The following TSC22D4 variants were observed in gnomAD, a reference collection of about 807,000 sequenced individuals.
The protein encoded by TSC22D4 is TSC22 domain family protein 4.
Under a neutral mutation model 24.9 loss-of-function variants are expected in TSC22D4, and 5 were observed. That is an observed-to-expected ratio of 0.20 (90% CI 0.10 to 0.42). The LOEUF (loss-of-function observed/expected upper bound fraction) is 0.42, where lower values mean the gene tolerates loss of function less well. Among genes scored for constraint, TSC22D4 ranks in the 10% least tolerant of loss-of-function variants. TSC22D4 has a pLI of 1.00. For missense variants in TSC22D4, 469 were observed against 547.9 expected, an observed-to-expected ratio of 0.86 and a Z score of 1.44; for synonymous variants, 245 against 243.2, an observed-to-expected ratio of 1.01 and a Z score of -0.07.
intron 2 of TSC22D4, among the ~76,000 whole-genome samples, chr7:100,476,907 A>C (rs112450770): frequency 5.9e-5 from 9 of 152,234 alleles, no homozygotes; most frequent in African/African-American, 1.7e-4. Flanking sequence ...CTCCTCCCCT[A>C]GGGACCCAGC....
intron 3 of TSC22D4, among the ~76,000 whole-genome samples, chr7:100,472,091 C>A (rs1799403003): frequency 6.6e-6 from 1 of 152,056 alleles, no homozygotes; most frequent in Non-Finnish European, 1.5e-5. Flanking sequence ...CGCCCATCCC[C>A]AGATTCAGGG....
intron 3 of TSC22D4, among the ~76,000 whole-genome samples, chr7:100,473,229 C>A (rs563594158): frequency 6.6e-6 from 1 of 152,248 alleles, no homozygotes; most frequent in East Asian, 1.9e-4. Flanking sequence ...GCCCCTGCCC[C>A]TTTGCCGTTC....
chr7:100,467,639 G>T, intron 3 of TSC22D4, 39 bp from the exon 4 acceptor site: 1 of 1,601,508 alleles, frequency 6.2e-7, no homozygotes, highest in Non-Finnish European at 8.6e-7. Flanking sequence ...GAGAGGAGAA[G>T]CCTTCCCAGG....
intron 3 of TSC22D4, among the ~76,000 whole-genome samples, chr7:100,469,270 G>A (rs894182331): frequency 6.6e-6 from 1 of 151,856 alleles, no homozygotes; most frequent in African/African-American, 2.4e-5. Context: ...TGGGACCTGG[G>A]TCTGGGGTCT....
Position 100,467,172 on chromosome 7 carries a change from G to A in TSC22D4, c.979-4C>T. The A allele has an allele frequency of 1.2e-6, 2 of 1,614,068 alleles. No individual in the cohort carries two copies. Among genetic ancestry groups the A allele is most frequent in the Non-Finnish European group, 1.7e-6 (2 of 1,180,026 alleles). ...TGAGGTGGGACTTCACCAAGTCCTGGGGGCCCCGGGACAGGCACAGCGTCA... is the reference window on the plus strand; with the variant it reads ...TGAGGTGGGACTTCACCAAGTCCTGAGGGCCCCGGGACAGGCACAGCGTCA... On this transcript the variant is annotated splice_polypyrimidine_tract_variant and splice_region_variant and intron_variant, in intron 4 of 4. Coordinates refer to ENST00000300181, the MANE Select transcript of TSC22D4 (RefSeq NM_030935.5).
At position 100,466,766 on chromosome 7, in the gene TSC22D4, C is replaced by T. The variant is rs993882196; in HGVS notation, c.*193G>A. The T allele has an allele frequency of 1.5e-6, 1 of 649,078 alleles. No individual in the cohort carries two copies. Among genetic ancestry groups the T allele is most frequent in the Admixed American group, 3.1e-5 (1 of 32,368 alleles). 40.2% of individuals were successfully genotyped at this position (649,078 alleles called of 1,614,324 possible). On this transcript the variant is annotated 3_prime_UTR_variant, in exon 5 of 5. Transcript: ENST00000300181. ...GAGGGGGCTCCCTCTGACGCCCCGT[C>T]CTGAAGCCCTCCCTCCTCCATCAAG...
Position 100,467,534 on chromosome 7 carries a change from C to G in TSC22D4, c.978+18G>C. 1 of 1,613,818 alleles carries G rather than the reference C, an allele frequency of 6.2e-7. No individual in the cohort carries two copies. The highest frequency in any genetic ancestry group is 1.1e-5 in the South Asian group (1 of 91,062). ...TAAGGGGGCCAGGACCTCCTGGGAC[C>G]AAGATGGCTTCTCTTACCATGGCTT... On this transcript the variant is annotated intron_variant, in intron 4 of 4. Transcript: ENST00000300181.
In TSC22D4 at chr7:100,477,191, AG is replaced by A; in HGVS notation, c.762+85del. ...TCTTATAAAGTGATGGAGAAGGAGGAGGAGAGGGGGGGGAGGAGGAGGAAGG... is the reference window on the plus strand; with the variant it reads ...TCTTATAAAGTGATGGAGAAGGAGGAGAGAGGGGGGGGAGGAGGAGGAAGG... On this transcript the variant is annotated intron_variant, in intron 2 of 4. Coordinates refer to ENST00000300181, the MANE Select transcript of TSC22D4 (RefSeq NM_030935.5). The surrounding 1 kb of genome is among the most constrained non-coding windows in gnomAD (Gnocchi z 7.8). 3 of 933,208 alleles carry A rather than the reference AG, an allele frequency of 3.2e-6. No individual in the cohort carries two copies. Among genetic ancestry groups the A allele is most frequent in the African/African-American group, 2.4e-5 (1 of 42,174 alleles). 57.8% of individuals were successfully genotyped at this position (933,208 alleles called of 1,614,324 possible).
Position 100,478,043 on chromosome 7 carries a change from C to G in TSC22D4, c.-5G>C. 1 of 1,590,266 alleles carries G rather than the reference C, an allele frequency of 6.3e-7. No homozygotes were observed. Among genetic ancestry groups the G allele is most frequent in the African/African-American group, 1.3e-5 (1 of 74,756 alleles). On this transcript the variant is annotated 5_prime_UTR_variant, in exon 2 of 5. Transcript: ENST00000300181. Reference sequence around the variant, plus strand: ...CTTCTTCTTGCCCCCGCTCATGGTCCCTGGGGCTCAGGGCTGGGCCAAGGT... The same window carrying G: ...CTTCTTCTTGCCCCCGCTCATGGTCGCTGGGGCTCAGGGCTGGGCCAAGGT...
At chr7:100,476,451 C>T (rs1385388194) in intron 2 of TSC22D4, among the ~76,000 whole-genome samples, 1 of 152,192 alleles carries the variant, frequency 6.6e-6, no homozygotes, top group Non-Finnish European at 1.5e-5. Context: ...TATTCTCCCA[C>T]AGGACAGAAG....
chr7:100,469,575 C>T (rs1799356443), intron 3 of TSC22D4, among the ~76,000 whole-genome samples: 1 of 152,126 alleles, frequency 6.6e-6, no homozygotes. Flanking sequence ...CTCCAAGGCT[C>T]CCTCTCCCAC....
intron 3 of TSC22D4, among the ~76,000 whole-genome samples, chr7:100,470,779 A>C (rs1385414868): frequency 6.6e-6 from 1 of 152,212 alleles, no homozygotes; most frequent in Admixed American, 6.5e-5. Context: ...CCACAAGCCC[A>C]AAAGCAAGTT....
rs1214894692 is a variant in TSC22D4 at position 100,479,187 on chromosome 7, GTCTT to G, written c.-667_-664del. 1.3e-5 allele frequency: 2 copies of G among 153,114 alleles called. No homozygotes were observed. The allele number at this position is 153,114 out of a possible 1,614,324, so 9.5% of individuals were successfully genotyped here. A position where few individuals can be genotyped will look rare whatever the true frequency, so the allele number is the denominator to read the frequency against. On this transcript the variant is annotated 5_prime_UTR_variant, in exon 1 of 5. Coordinates refer to ENST00000300181, the MANE Select transcript of TSC22D4 (RefSeq NM_030935.5). ...GGCTCCCCTGGGTCTCTGCCTCTCCGTCTTTCTCTTTCTGGGCTGTTGACAACCC... is the reference window on the plus strand; with the variant it reads ...GGCTCCCCTGGGTCTCTGCCTCTCCGTCTCTTTCTGGGCTGTTGACAACCC...
chr7:100,477,161 T>C lies in TSC22D4; in HGVS notation c.762+116A>G, dbSNP rs191048368. The C allele has an allele frequency of 2.2e-6, 2 of 921,906 alleles. No individual in the cohort carries two copies. The highest frequency in any genetic ancestry group is 3.0e-6 in the Non-Finnish European group (2 of 656,348). 57.1% of individuals were successfully genotyped at this position (921,906 alleles called of 1,614,324 possible). A position where few individuals can be genotyped will look rare whatever the true frequency, so the allele number is the denominator to read the frequency against. ...CTGGCAGGCACAGAGAAGAGGGCTATCTGATCTTATAAAGTGATGGAGAAG... is the reference window on the plus strand; with the variant it reads ...CTGGCAGGCACAGAGAAGAGGGCTACCTGATCTTATAAAGTGATGGAGAAG... On this transcript the variant is annotated intron_variant, in intron 2 of 4. Coordinates refer to ENST00000300181, the MANE Select transcript of TSC22D4 (RefSeq NM_030935.5). The surrounding 1 kb of genome is among the most constrained non-coding windows in gnomAD (Gnocchi z 7.8).
rs936263342 is a variant in TSC22D4, at chr7:100,469,248, C to T, written c.930-1648G>A. ...GTCTTAAAAAAAAAAAAAAAAAAAT[C>T]GCCTATGGGCCTGGGACCTGGGTCT... On this transcript the variant is annotated intron_variant, in intron 3 of 4. Coordinates refer to ENST00000300181, the MANE Select transcript of TSC22D4 (RefSeq NM_030935.5). Among the ~76,000 whole-genome samples, 4 of 137,278 alleles carry T rather than the reference C, an allele frequency of 2.9e-5. No individual in the cohort carries two copies. The East Asian group carries it at 5.9e-4, about 20-fold the overall frequency. 90.1% of individuals were successfully genotyped at this position (137,278 alleles called of 152,430 possible).
chr7:100,476,664 G>C (rs1404737057), intron 2 of TSC22D4, among the ~76,000 whole-genome samples: 1 of 152,170 alleles, frequency 6.6e-6, no homozygotes. Flanking sequence ...ACGGGGGTGA[G>C]CCAGACAACT....
chr7:100,478,451 G>A (rs941649366), intron 1 of TSC22D4, 144 bp from the exon 2 acceptor site: 3 of 203,276 alleles, frequency 1.5e-5, no homozygotes, highest in African/African-American at 7.1e-5. Flanking sequence ...GGAGCAGAGT[G>A]GGGGAAGGGG....
chr7:100,470,317 G>A (rs1391604378), intron 3 of TSC22D4, among the ~76,000 whole-genome samples: 2 of 152,152 alleles, frequency 1.3e-5, no homozygotes, highest in Admixed American at 6.5e-5. Context: ...GCGCCTGGGA[G>A]TTTTTGCTCT....
At position 100,474,245 on chromosome 7, in the gene TSC22D4, C is replaced by A; in HGVS notation, c.929+29G>T. 12 of 1,608,380 alleles carry A rather than the reference C, an allele frequency of 7.5e-6. No homozygotes were observed. The highest frequency in any genetic ancestry group is 1.0e-5 in the Non-Finnish European group (12 of 1,175,680). On this transcript the variant is annotated intron_variant, in intron 3 of 4. Transcript: ENST00000300181. This position sits in a 1 kb window ranked among gnomAD's most constrained non-coding sequence, Gnocchi z 4.3. ...TGCTGGGCGGGGAACCTGAACCCCA[C>A]GCCCCACCACCCCACGAAGCCCACC...
Sources: gnomAD v4.1 joint callset for allele counts (sites outside exome capture counted in the v4.1 genomes callset) on GRCh38, gnomAD v4.1.1 for gene constraint, Gnocchi (gnomAD v3.1) non-coding constraint, MANE v1.5 for transcripts, NCBI Gene and HGNC (gene_info 2026-07-23, HGNC 2026-07-21) for gene names.